FRMD6: variants seen among roughly 807,000 people sequenced by gnomAD.
FRMD6 encodes the protein FERM domain containing 6.
A neutral mutation model predicts 73.2 loss-of-function variants in FRMD6; 37 were observed. That is an observed-to-expected ratio of 0.51 (90% CI 0.39 to 0.66). FRMD6 has a LOEUF of 0.66. Among genes scored for constraint, FRMD6 ranks in the 30% least tolerant of loss-of-function variants. The pLI is 0.00. For synonymous variants in FRMD6, 273 were observed against 282.2 expected, an observed-to-expected ratio of 0.97 and a Z score of 0.33; for missense variants, 714 against 780.5, an observed-to-expected ratio of 0.91 and a Z score of 1.02.
At chr14:51,439,534 G>A in the FRMD6 span, among the ~76,000 whole-genome samples, 2 of 152,104 alleles carry the variant, frequency 1.3e-5, no homozygotes, top group African/African-American at 4.8e-5. Flanking sequence ...TGGGTTTTTA[G>A]TTCAGAAGAG....
At chr14:51,675,524 T>A (rs1022891028) in intron 1 of FRMD6, among the ~76,000 whole-genome samples, 1 of 152,174 alleles carries the variant, frequency 6.6e-6, no homozygotes, top group Non-Finnish European at 1.5e-5. Flanking sequence ...TTTTTATCAT[T>A]TCTCTTAAGG....
intron 1 of FRMD6, chr14:51,546,752 A>G (rs1241210786): frequency 6.6e-6 from 1 of 152,138 alleles, no homozygotes; most frequent in Non-Finnish European, 1.5e-5. Flanking sequence ...TTCTCTTGGA[A>G]CACAGTTCTG....
intron 1 of FRMD6, among the ~76,000 whole-genome samples, chr14:51,557,733 C>A (rs78176935): frequency 0.018 from 2,745 of 152,086 alleles, 83 homozygotes; most frequent in African/African-American, 0.062. Context: ...TTTAGCCATT[C>A]CCCAGTGTAT....
At chr14:51,402,620 G>A in the FRMD6 span, among the ~76,000 whole-genome samples, 1,467 of 150,064 alleles carry the variant, frequency 9.8e-3, 24 homozygotes, top group African/African-American at 0.033. Context: ...GCCCAGTCTT[G>A]GGTATATCTT....
the FRMD6 span, among the ~76,000 whole-genome samples, chr14:51,403,331 T>C: frequency 6.6e-6 from 1 of 152,232 alleles, no homozygotes; most frequent in Non-Finnish European, 1.5e-5. Flanking sequence ...ATAAAACATA[T>C]TGTTTAGTTT....
chr14:51,624,206 A>G (rs1021127523), intron 2 of FRMD6, among the ~76,000 whole-genome samples: 3 of 152,204 alleles, frequency 2.0e-5, no homozygotes, highest in Admixed American at 6.5e-5. Context: ...TACTAGGCTT[A>G]ATACCTGCTG....
At chr14:51,695,399 A>G (rs997393387) in intron 2 of FRMD6, among the ~76,000 whole-genome samples, 3 of 152,188 alleles carry the variant, frequency 2.0e-5, no homozygotes, top group Admixed American at 1.3e-4. Context: ...TAGGACTTCT[A>G]TAGGACAGAA....
intron 2 of FRMD6, among the ~76,000 whole-genome samples, chr14:51,602,913 A>G (rs894856574): frequency 6.6e-6 from 1 of 152,206 alleles, no homozygotes; most frequent in African/African-American, 2.4e-5. Flanking sequence ...GTATAGCTAT[A>G]CAATTGATTG....
At chr14:51,576,294 G>A (rs1433268471) in intron 2 of FRMD6, 1 of 152,172 alleles carries the variant, frequency 6.6e-6, no homozygotes, top group Non-Finnish European at 1.5e-5. Context: ...CCAGTGTGGT[G>A]GGAACAGGGA....
At chr14:51,681,831 A>G (rs993370467) in intron 1 of FRMD6, among the ~76,000 whole-genome samples, 5 of 152,194 alleles carry the variant, frequency 3.3e-5, no homozygotes, top group African/African-American at 1.2e-4. Flanking sequence ...ATTTTTACTA[A>G]AATTGCTATG....
At chr14:51,439,258 C>T in the FRMD6 span, among the ~76,000 whole-genome samples, 1 of 152,184 alleles carries the variant, frequency 6.6e-6, no homozygotes, top group Non-Finnish European at 1.5e-5. Flanking sequence ...TTAGTAAATA[C>T]ATCACTGTAT....
At chr14:51,570,099 G>A (rs538565051) in intron 1 of FRMD6, among the ~76,000 whole-genome samples, 6 of 152,154 alleles carry the variant, frequency 3.9e-5, no homozygotes, top group Non-Finnish European at 7.4e-5. Flanking sequence ...ACAGACGTGA[G>A]CCACTGCGCC....
Position 51,509,540 on chromosome 14 carries a change from A to G in FRMD6, c.-210+20120A>G, listed in dbSNP as rs539788098. ...AGACTCCGTCTCAAAAAACAAAACAAAACAAAACAAAACAAAACAAAACAA... is the reference window on the plus strand; with the variant it reads ...AGACTCCGTCTCAAAAAACAAAACAGAACAAAACAAAACAAAACAAAACAA... On this transcript the variant is annotated intron_variant, in intron 1 of 14. Transcript: ENST00000356218. 2.6e-5 allele frequency among the ~76,000 whole-genome samples: 4 copies of G among 152,088 alleles called. No individual in the cohort carries two copies. In the South Asian group the frequency reaches 8.3e-4, roughly 32 times the overall value.
At chr14:51,414,506 G>C in the FRMD6 span, among the ~76,000 whole-genome samples, 23 of 148,818 alleles carry the variant, frequency 1.5e-4, no homozygotes, top group Middle Eastern at 3.4e-3. Flanking sequence ...CTTTTCCATT[G>C]GTCTATATCT....
At chr14:51,648,602 T>C (rs1892185020), upstream of FRMD6, among the ~76,000 whole-genome samples, 2 of 152,216 alleles carry the variant, frequency 1.3e-5, no homozygotes, top group Non-Finnish European at 2.9e-5. Flanking sequence ...CCCTTCTCAG[T>C]TCACAGGGGA....
chr14:51,689,889 T>C lies in FRMD6; in HGVS notation c.53T>C (p.Val18Ala). 1 of 1,613,748 alleles carries C rather than the reference T, an allele frequency of 6.2e-7. No homozygotes were observed. Among genetic ancestry groups the C allele is most frequent in the South Asian group, 1.1e-5 (1 of 91,068 alleles). Residue 18 changes from valine to alanine, a missense_variant, in exon 2 of 14, where the codon GTG becomes GCG. Val to Ala is a moderately conservative substitution (Grantham distance 64, BLOSUM62 0). Transcript: ENST00000344768. ...NNRVMQDRRSVCIFLPNDESL... is the reference protein window; with the variant it reads ...NNRVMQDRRSACIFLPNDESL... ...AGAGTCATGCAAGACCGCCGCAGTG[T>C]GTGCATTTTCCTTCCCAACGATGAA...
the FRMD6 span, among the ~76,000 whole-genome samples, chr14:51,424,012 C>T: frequency 6.6e-6 from 1 of 152,162 alleles, no homozygotes; most frequent in Non-Finnish European, 1.5e-5. Context: ...TGCATTTGAG[C>T]ATTGTATATA....
chr14:51,412,857 A>G, the FRMD6 span, among the ~76,000 whole-genome samples: 2 of 148,146 alleles, frequency 1.4e-5, no homozygotes, highest in African/African-American at 5.2e-5. Context: ...GTCTAAAAAA[A>G]TAAAATAAAA....
intron 6 of FRMD6, 144 bp downstream of exon 6, chr14:51,705,079 G>A: frequency 1.5e-6 from 1 of 680,016 alleles, no homozygotes; most frequent in South Asian, 2.0e-5. Flanking sequence ...TAATGCTTAA[G>A]AACGTGGTGC....
Sources: allele counts gnomAD v4.1 joint callset (sites outside exome capture counted in the v4.1 genomes callset), GRCh38; gene constraint gnomAD v4.1.1; transcripts MANE v1.5; gene names NCBI Gene and HGNC (gene_info 2026-07-23, HGNC 2026-07-21).